Variants in DNMT3B observed in about 807,000 individuals in gnomAD.
DNMT3B encodes the protein DNA methyltransferase 3 beta.
In DNMT3B, 37 loss-of-function variants were observed where a neutral mutation model predicts 120.2. The observed-to-expected ratio is 0.31, with a 90% CI of 0.24 to 0.40. The LOEUF (loss-of-function observed/expected upper bound fraction) is 0.40. DNMT3B is among the 10% of genes least tolerant of loss of function. The pLI is 1.00. For missense variants in DNMT3B, 878 were observed against 1,137.3 expected (o/e 0.77, Z 3.28); for synonymous variants, 412 against 442.8 (o/e 0.93, Z 0.87).
At chr20:32,765,743 A>ATTTTTTTT in intron 1 of DNMT3B, among the ~76,000 whole-genome samples, 1 of 89,644 alleles carries the variant, frequency 1.1e-5, no homozygotes, top group Non-Finnish European at 2.1e-5. Flanking sequence ...TTATTTATTT[A>ATTTTTTTT]TTTTTTCTTT....
chr20:32,798,803 G>A (rs923721129), intron 15 of DNMT3B, among the ~76,000 whole-genome samples, 160 bp downstream of exon 15: 1 of 152,228 alleles, frequency 6.6e-6, no homozygotes, highest in African/African-American at 2.4e-5. Context: ...TCCTCTGCAC[G>A]GTTTTCAGCC....
intron 1 of DNMT3B, among the ~76,000 whole-genome samples, chr20:32,770,645 G>T (rs1434481994): frequency 7.2e-6 from 1 of 138,504 alleles, no homozygotes; most frequent in African/African-American, 2.7e-5. Flanking sequence ...ACAGAGTTTC[G>T]CTCTTTGCCC....
At chr20:32,789,357 C>A (rs979923370) in intron 7 of DNMT3B, among the ~76,000 whole-genome samples, 2 of 152,134 alleles carry the variant, frequency 1.3e-5, no homozygotes, top group Non-Finnish European at 2.9e-5. Flanking sequence ...TGGAAGAGAC[C>A]GGAAGCATGG....
At chr20:32,763,148 G>C (rs113735567) in intron 1 of DNMT3B, among the ~76,000 whole-genome samples, 56 of 152,326 alleles carry the variant, frequency 3.7e-4, no homozygotes, top group Middle Eastern at 6.8e-3. Context: ...TTAAGGGGCA[G>C]AGGAGGTGAG....
At chr20:32,793,981 T>C (rs1008881382) in intron 10 of DNMT3B, among the ~76,000 whole-genome samples, 1 of 152,004 alleles carries the variant, frequency 6.6e-6, no homozygotes, top group African/African-American at 2.4e-5. Flanking sequence ...GAAATACAAA[T>C]GGGTTTTACA....
Position 32,795,678 on chromosome 20 carries a change from C to A in DNMT3B, c.1281C>A (p.Asn427Lys). 6.8e-6 allele frequency: 11 copies of A among 1,614,178 alleles called. No homozygotes were observed. Among genetic ancestry groups the A allele is most frequent in the Non-Finnish European group, 9.3e-6 (11 of 1,180,050 alleles). The change falls in exon 12 of 23, where the codon AAC becomes AAA. Residue 427 changes from asparagine (N) to lysine (K), a missense_variant. By Grantham distance (94) the Asn-to-Lys change is moderately conservative. Transcript: ENST00000328111. Reference protein sequence around the residue: ...REQMASDVANNKSSLEDGCLS... With the variant: ...REQMASDVANKKSSLEDGCLS... Reference sequence around the variant, plus strand: ...AAATGGCTTCAGATGTTGCCAACAACAAGAGCAGCCTGGAAGGTAACGTTC... The same window carrying A: ...AAATGGCTTCAGATGTTGCCAACAAAAAGAGCAGCCTGGAAGGTAACGTTC...
At chr20:32,799,808 GTGCC>G (rs1230468088) in intron 16 of DNMT3B, among the ~76,000 whole-genome samples, 2 of 152,218 alleles carry the variant, frequency 1.3e-5, no homozygotes, top group Admixed American at 6.5e-5. Context: ...ATGAACCACC[GTGCC>G]TGGGCAGTCT....
chr20:32,771,158 A>G (rs924061621), intron 1 of DNMT3B, among the ~76,000 whole-genome samples: 1 of 152,228 alleles, frequency 6.6e-6, no homozygotes, highest in Non-Finnish European at 1.5e-5. Flanking sequence ...GAAATAATTT[A>G]TTTGAAAGTC....
chr20:32,786,324 C>T lies in DNMT3B; in HGVS notation c.307-178C>T. On this transcript the variant is annotated intron_variant, in intron 4 of 22. Transcript: ENST00000328111. Reference sequence around the variant, plus strand: ...CACCCTACCACCTCTATTCCAAGAACTGGGGAATTCTGGCTGGACTCAGTC... The same window carrying T: ...CACCCTACCACCTCTATTCCAAGAATTGGGGAATTCTGGCTGGACTCAGTC... Among the ~76,000 whole-genome samples, 2 of 152,244 alleles carry T rather than the reference C, an allele frequency of 1.3e-5. 1 individual carries two copies. The highest frequency in any genetic ancestry group is 3.8e-4 in the East Asian group (2 of 5,200).
chr20:32,808,470 T>G lies in DNMT3B; in HGVS notation c.*567T>G, dbSNP rs541372379. On this transcript the variant is annotated 3_prime_UTR_variant, in exon 23 of 23. Coordinates refer to ENST00000328111, the MANE Select transcript of DNMT3B (RefSeq NM_006892.4). ...TTGTATATGTCTTTTACCCGGCACATTCCCCTTGCCTAAATACAAGGGCTG... is the reference window on the plus strand; with the variant it reads ...TTGTATATGTCTTTTACCCGGCACAGTCCCCTTGCCTAAATACAAGGGCTG... The G allele has an allele frequency of 7.1e-5, 17 of 237,866 alleles. No homozygotes were observed. The highest frequency in any genetic ancestry group is 1.6e-4 in the South Asian group (1 of 6,068). The allele number at this position is 237,866 out of a possible 1,614,324, so 14.7% of individuals were successfully genotyped here. A position where few individuals can be genotyped will look rare whatever the true frequency, so the allele number is the denominator to read the frequency against.
chr20:32,763,339 G>C (rs1212875760), intron 1 of DNMT3B, among the ~76,000 whole-genome samples: 1 of 152,168 alleles, frequency 6.6e-6, no homozygotes, highest in African/African-American at 2.4e-5. Flanking sequence ...CGACCTCCCG[G>C]GGTGCTCCTG....
intron 17 of DNMT3B, among the ~76,000 whole-genome samples, 160 bp downstream of exon 17, chr20:32,800,458 G>A (rs1981191519): frequency 6.6e-6 from 1 of 152,156 alleles, no homozygotes; most frequent in Admixed American, 6.6e-5. Context: ...CAGAAGTGGA[G>A]TTGGTGACCA....
At chr20:32,764,929 C>T (rs1200631715) in intron 1 of DNMT3B, among the ~76,000 whole-genome samples, 1 of 152,154 alleles carries the variant, frequency 6.6e-6, no homozygotes, top group Admixed American at 6.5e-5. Context: ...GATCCAGAGG[C>T]GCCTGTCGCC....
At chr20:32,796,544 G>A (rs576538843) in intron 12 of DNMT3B, among the ~76,000 whole-genome samples, 15 of 152,268 alleles carry the variant, frequency 9.9e-5, no homozygotes, top group African/African-American at 2.9e-4. Context: ...CCTGCTCAGC[G>A]TTCTGCCTGA....
intron 3 of DNMT3B, among the ~76,000 whole-genome samples, chr20:32,781,861 C>T (rs1978664123): frequency 6.6e-6 from 1 of 152,188 alleles, no homozygotes; most frequent in Middle Eastern, 3.2e-3. Context: ...TCACTTGTAG[C>T]CGTCTCCGTG....
Position 32,784,722 on chromosome 20 carries a change from G to C in DNMT3B, c.205-36G>C, listed in dbSNP as rs190113384. 9 of 1,608,650 alleles carry C rather than the reference G, an allele frequency of 5.6e-6. No homozygotes were observed. In the Admixed American group the frequency reaches 1.2e-4, roughly 21 times the overall value. On this transcript the variant is annotated intron_variant, in intron 3 of 22. Coordinates refer to ENST00000328111, the MANE Select transcript of DNMT3B (RefSeq NM_006892.4). ...GTTTCTTTGACTTGCTGATACCCTG[G>C]GGTCTTCATCATGTTCATCATGTTT... is the stretch of plus-strand genomic sequence containing the variant.
At position 32,779,948 on chromosome 20, in the gene DNMT3B, G is replaced by A. The variant is rs969421463; in HGVS notation, c.-6-370G>A. The A allele has an allele frequency of 3.6e-6, 3 of 844,716 alleles. No individual in the cohort carries two copies. The East Asian group carries it at 8.0e-5, about 22-fold the overall frequency. 52.3% of individuals were successfully genotyped at this position (844,716 alleles called of 1,614,324 possible). ...GAGCAGGGAGAGGGGGCCAGGGCCA[G>A]AGGGGACAGAGGCTGGCGGCAGACG... On this transcript the variant is annotated intron_variant, in intron 1 of 22. Coordinates refer to ENST00000328111, the MANE Select transcript of DNMT3B (RefSeq NM_006892.4).
At chr20:32,793,220 C>G (rs1980198015) in intron 9 of DNMT3B, among the ~76,000 whole-genome samples, 1 of 152,204 alleles carries the variant, frequency 6.6e-6, no homozygotes, top group Non-Finnish European at 1.5e-5. Flanking sequence ...AAGGCCAGGC[C>G]TAGTGGCTCA....
At chr20:32,765,645 T>G (rs1427886382) in intron 1 of DNMT3B, among the ~76,000 whole-genome samples, 2 of 151,234 alleles carry the variant, frequency 1.3e-5, no homozygotes, top group Admixed American at 6.6e-5. Flanking sequence ...GGTCTCAAAC[T>G]CCTGACCTCA....
Sources: allele counts gnomAD v4.1 joint callset (sites outside exome capture counted in the v4.1 genomes callset), GRCh38; gene constraint gnomAD v4.1.1; transcripts MANE v1.5; gene names NCBI Gene and HGNC (gene_info 2026-07-23, HGNC 2026-07-21).